MTX2: variants seen among roughly 807,000 people sequenced by gnomAD.
MTX2 encodes the protein metaxin 2.
MTX2 carries 35 observed loss-of-function variants against 42.3 expected under a neutral mutation model. The ratio of observed to expected loss-of-function variants is 0.83; its 90% confidence interval spans 0.63 to 1.10. MTX2 has a LOEUF of 1.10. Among genes scored for constraint, MTX2 ranks in the 50% least tolerant of loss-of-function variants. MTX2 has a pLI of 0.00. For missense variants in MTX2, 307 were observed against 304.1 expected, an observed-to-expected ratio of 1.01 and a Z score of -0.07; for synonymous variants, 119 against 100.9, an observed-to-expected ratio of 1.18 and a Z score of -1.08.
chr2:176,297,047 TA>T, intron 2 of MTX2, 140 bp downstream of exon 2: 1 of 920,952 alleles, frequency 1.1e-6, no homozygotes, highest in Non-Finnish European at 1.6e-6. Flanking sequence ...TAGGAGGTTT[TA>T]CCTGAACTTG....
intron 1 of MTX2, among the ~76,000 whole-genome samples, chr2:176,292,439 CTT>C (rs34438437): frequency 0.25 from 37,882 of 152,058 alleles, 4,930 homozygotes; most frequent in South Asian, 0.31. Context: ...TTAATCTCCT[CTT>C]TTACACATGC....
intron 1 of MTX2, among the ~76,000 whole-genome samples, chr2:176,270,811 C>T (rs945313266): frequency 6.6e-6 from 1 of 151,908 alleles, no homozygotes; most frequent in Admixed American, 6.6e-5. Flanking sequence ...TTTTGTTCCC[C>T]ATTGTATCCA....
At chr2:176,316,470 C>T (rs924306611) in intron 3 of MTX2, among the ~76,000 whole-genome samples, 1 of 152,094 alleles carries the variant, frequency 6.6e-6, no homozygotes. Context: ...GGTGTGATCA[C>T]GGCTTACTAC....
intron 3 of MTX2, among the ~76,000 whole-genome samples, chr2:176,318,703 A>T (rs1214568224): frequency 6.6e-6 from 1 of 152,222 alleles, no homozygotes; most frequent in Non-Finnish European, 1.5e-5. Flanking sequence ...TTTTAAAAAT[A>T]ATGTTTGCTA....
rs759196729 is a variant in MTX2 at position 176,323,459 on chromosome 2, C to T, written c.203C>T (p.Pro68Leu). Residue 68 changes from proline (P) to leucine (L), a missense_variant, in exon 4 of 10, where the codon CCA (proline) becomes CTA (leucine). Pro to Leu is a moderately conservative substitution (Grantham distance 98). Coordinates refer to ENST00000249442, the MANE Select transcript of MTX2 (RefSeq NM_006554.5). ...VCRANAEYMS[P>L]SGKVPFIHVG... ...AGGGCAAATGCAGAATATATGTCTC[C>T]ATCTGGTAAGTGTGTTTTTTTTTCT... 5.6e-6 allele frequency: 9 copies of T among 1,609,120 alleles called. No individual in the cohort carries two copies. The highest frequency in any genetic ancestry group is 5.5e-5 in the South Asian group (5 of 90,634).
chr2:176,298,112 TA>T (rs1207356540), intron 3 of MTX2, among the ~76,000 whole-genome samples: 2 of 123,832 alleles, frequency 1.6e-5, no homozygotes, highest in African/African-American at 6.0e-5. Context: ...AAAATAAACA[TA>T]AATTTTTTTT....
chr2:176,279,190 C>G (rs1474806298), intron 1 of MTX2, among the ~76,000 whole-genome samples: 1 of 151,976 alleles, frequency 6.6e-6, no homozygotes, highest in Non-Finnish European at 1.5e-5. Flanking sequence ...CTTGATCTGT[C>G]TTTAGATGGA....
Position 176,302,544 on chromosome 2 carries a change from C to A in MTX2, c.135+4649C>A. Among the ~76,000 whole-genome samples, 2 of 152,096 alleles carry A rather than the reference C, an allele frequency of 1.3e-5. 1 individual carries two copies. Among genetic ancestry groups the A allele is most frequent in the Non-Finnish European group, 2.9e-5 (2 of 68,022 alleles). On this transcript the variant is annotated intron_variant, in intron 3 of 9. Transcript: ENST00000249442. ...CTCCATTTCCCAGGTTCAAGTGATT[C>A]TCCCACCTCAGCCTTCTGAGTAGCT...
chr2:176,313,631 A>T (rs1684370317), intron 3 of MTX2, among the ~76,000 whole-genome samples: 1 of 151,934 alleles, frequency 6.6e-6, no homozygotes, highest in Admixed American at 6.6e-5. Flanking sequence ...GACCTCAAAT[A>T]ATCCACCCGC....
chr2:176,276,455 A>C (rs1469557992), intron 1 of MTX2, among the ~76,000 whole-genome samples: 1 of 152,196 alleles, frequency 6.6e-6, no homozygotes, highest in Admixed American at 6.5e-5. Context: ...GTGGATAAGA[A>C]TACTGAAACT....
chr2:176,274,237 A>G (rs1288835255), intron 1 of MTX2, among the ~76,000 whole-genome samples: 1 of 152,198 alleles, frequency 6.6e-6, no homozygotes, highest in Non-Finnish European at 1.5e-5. Context: ...CACACAGATT[A>G]AGACTTTAAA....
At chr2:176,322,392 T>TTA (rs554379201) in intron 3 of MTX2, among the ~76,000 whole-genome samples, 6 of 152,114 alleles carry the variant, frequency 3.9e-5, no homozygotes, top group Non-Finnish European at 5.9e-5. Flanking sequence ...TGACAGCTAT[T>TTA]TATAGTACTT....
intron 1 of MTX2, among the ~76,000 whole-genome samples, chr2:176,286,464 T>G (rs1693205222): frequency 6.6e-6 from 1 of 152,146 alleles, no homozygotes; most frequent in Admixed American, 6.5e-5. Flanking sequence ...CTTTCCATCT[T>G]GTGCTTCTAG....
intron 1 of MTX2, among the ~76,000 whole-genome samples, chr2:176,293,227 A>T (rs1438877111): frequency 6.6e-6 from 1 of 152,240 alleles, no homozygotes; most frequent in Non-Finnish European, 1.5e-5. Flanking sequence ...AACATTTTAA[A>T]TGATCAGTCT....
At chr2:176,282,599 G>A (rs931931653) in intron 1 of MTX2, among the ~76,000 whole-genome samples, 5 of 151,652 alleles carry the variant, frequency 3.3e-5, no homozygotes, top group African/African-American at 7.3e-5. Context: ...TATTTCTATA[G>A]GGCTTTATAC....
Position 176,279,485 on chromosome 2 carries a change from C to T in MTX2, c.40+9816C>T, listed in dbSNP as rs111319093. On this transcript the variant is annotated intron_variant, in intron 1 of 9. Transcript: ENST00000249442. ...TTTATGTTATAGAAAAATGTTTTGG[C>T]ATTATGAATTATAAGTAATGTTTCT... 3.1e-3 allele frequency among the ~76,000 whole-genome samples: 473 copies of T among 152,054 alleles called. 4 individuals are homozygous for T. The highest frequency in any genetic ancestry group is 0.011 in the African/African-American group (456 of 41,484).
intron 1 of MTX2, among the ~76,000 whole-genome samples, chr2:176,290,260 C>T (rs1035991326): frequency 6.6e-6 from 1 of 151,974 alleles, no homozygotes; most frequent in Admixed American, 6.6e-5. Context: ...CTGGTTGATA[C>T]AAGGGTCATG....
intron 3 of MTX2, among the ~76,000 whole-genome samples, chr2:176,313,829 C>T (rs986352104): frequency 6.6e-6 from 1 of 152,098 alleles, no homozygotes; most frequent in Non-Finnish European, 1.5e-5. Flanking sequence ...CCATTAGGTT[C>T]TGCTAGGGTA....
At chr2:176,317,483 G>T (rs1485329868) in intron 3 of MTX2, among the ~76,000 whole-genome samples, 1 of 152,046 alleles carries the variant, frequency 6.6e-6, no homozygotes, top group Admixed American at 6.6e-5. Context: ...AGTATCTATT[G>T]ATCTCTGCTA....
Sources: allele counts gnomAD v4.1 joint callset (sites outside exome capture counted in the v4.1 genomes callset), GRCh38; gene constraint gnomAD v4.1.1; transcripts MANE v1.5; gene names NCBI Gene and HGNC (gene_info 2026-07-23, HGNC 2026-07-21).